The following ZNF385B variants were observed in gnomAD, a reference collection of about 807,000 sequenced individuals.
The protein encoded by ZNF385B is zinc finger protein 385B.
ZNF385B carries 23 observed loss-of-function variants against 39.2 expected under a neutral mutation model. The observed-to-expected ratio is 0.59, with a 90% confidence interval of 0.42 to 0.83. ZNF385B has a LOEUF of 0.83. Ranked by LOEUF, ZNF385B falls within the 40% of genes least tolerant of loss-of-function variation. ZNF385B has a pLI of 0.00. For missense variants in ZNF385B, 552 were observed against 598.9 expected, an observed-to-expected ratio of 0.92 and a Z score of 0.82; for synonymous variants, 205 against 222.6, an observed-to-expected ratio of 0.92 and a Z score of 0.70.
intron 3 of ZNF385B, among the ~76,000 whole-genome samples, chr2:179,629,579 T>C (rs1222041020): frequency 6.6e-6 from 1 of 152,150 alleles, no homozygotes; most frequent in Non-Finnish European, 1.5e-5. Context: ...ACAGCTCCAG[T>C]CTGCAGCTCC....
At chr2:179,447,769 G>A (rs2049650535) in intron 6 of ZNF385B, among the ~76,000 whole-genome samples, 1 of 152,152 alleles carries the variant, frequency 6.6e-6, no homozygotes, top group African/African-American at 2.4e-5. Flanking sequence ...ATTTGGAATT[G>A]TATACCATTG....
rs1194157468 is a variant in ZNF385B, at chr2:179,450,642, A to G, written c.716-3872T>C. Among the ~76,000 whole-genome samples, 4 of 152,054 alleles carry G rather than the reference A, an allele frequency of 2.6e-5. No individual in the cohort carries two copies. The East Asian group carries it at 7.7e-4, about 29-fold the overall frequency. ...TGTGGAGAAATAGGAACACTTTTAC[A>G]CTGTTGGTGGGACTGTAAACTAGTT... On this transcript the variant is annotated intron_variant, in intron 6 of 9. Transcript: ENST00000410066.
chr2:179,824,878 T>TA (rs35256018), intron 1 of ZNF385B, among the ~76,000 whole-genome samples: 1,670 of 142,408 alleles, frequency 0.012, 11 homozygotes, highest in Non-Finnish European at 0.016. Context: ...TAGTCTGATT[T>TA]AAAAAAAAAA....
At chr2:179,647,272 C>CT (rs11362728) in intron 3 of ZNF385B, among the ~76,000 whole-genome samples, 2,717 of 149,780 alleles carry the variant, frequency 0.018, 69 homozygotes, top group African/African-American at 0.061. Flanking sequence ...TTCCTTTAAT[C>CT]TTTTTTTTTT....
At chr2:179,466,457 G>A (rs1463332664) in intron 6 of ZNF385B, among the ~76,000 whole-genome samples, 15 of 151,928 alleles carry the variant, frequency 9.9e-5, no homozygotes, top group Admixed American at 9.2e-4. Flanking sequence ...CTGTTCTTTG[G>A]CAAGATTTCT....
chr2:179,600,187 C>T (rs1481802692), intron 3 of ZNF385B, among the ~76,000 whole-genome samples: 1 of 152,032 alleles, frequency 6.6e-6, no homozygotes, highest in African/African-American at 2.4e-5. Context: ...AGCCTAAGGC[C>T]AACCATCATT....
intron 6 of ZNF385B, among the ~76,000 whole-genome samples, chr2:179,465,126 C>T (rs529910941): frequency 6.4e-4 from 98 of 152,158 alleles, no homozygotes; most frequent in African/African-American, 2.2e-3. Flanking sequence ...AACTTTTTCC[C>T]TTCAATGTCC....
intron 3 of ZNF385B, among the ~76,000 whole-genome samples, chr2:179,725,115 T>C: frequency 6.6e-6 from 1 of 152,068 alleles, no homozygotes. Flanking sequence ...TTATATAATG[T>C]ATATTTAATT....
intron 3 of ZNF385B, among the ~76,000 whole-genome samples, chr2:179,636,826 C>T (rs952969758): frequency 6.6e-6 from 1 of 152,032 alleles, no homozygotes; most frequent in African/African-American, 2.4e-5. Flanking sequence ...CACACAGAAG[C>T]CAAGCACATA....
intron 4 of ZNF385B, among the ~76,000 whole-genome samples, chr2:179,524,096 C>A (rs2058700726): frequency 1.3e-5 from 2 of 152,060 alleles, no homozygotes; most frequent in Non-Finnish European, 2.9e-5. Context: ...CCCTGCCCAG[C>A]CCATACTATT....
intron 3 of ZNF385B, among the ~76,000 whole-genome samples, chr2:179,559,782 C>T (rs1429905738): frequency 2.6e-5 from 4 of 151,898 alleles, no homozygotes; most frequent in Admixed American, 2.6e-4. Context: ...GTAAGAGTAC[C>T]TAAAATCCAC....
At chr2:179,642,755 C>T (rs1692379227) in intron 3 of ZNF385B, among the ~76,000 whole-genome samples, 2 of 152,100 alleles carry the variant, frequency 1.3e-5, no homozygotes, top group African/African-American at 4.8e-5. Flanking sequence ...GTCTTTATCA[C>T]CATATACTTA....
chr2:179,859,336 T>C (rs1256383106), intron 1 of ZNF385B, among the ~76,000 whole-genome samples: 1 of 152,218 alleles, frequency 6.6e-6, no homozygotes, highest in African/African-American at 2.4e-5. Flanking sequence ...TGTATATTGT[T>C]AAAATGCTGT....
intron 1 of ZNF385B, among the ~76,000 whole-genome samples, chr2:179,858,210 A>G (rs1684754544): frequency 6.6e-6 from 1 of 152,182 alleles, no homozygotes; most frequent in Non-Finnish European, 1.5e-5. Context: ...AGTCTGTGGG[A>G]CTTTGTGAAT....
intron 1 of ZNF385B, among the ~76,000 whole-genome samples, chr2:179,801,470 T>C (rs377332393): frequency 1.3e-5 from 2 of 151,986 alleles, no homozygotes; most frequent in African/African-American, 4.8e-5. Flanking sequence ...GGTGTACACA[T>C]CCTCCCAAGA....
At chr2:179,648,448 T>C (rs1264021222) in intron 3 of ZNF385B, among the ~76,000 whole-genome samples, 1 of 152,128 alleles carries the variant, frequency 6.6e-6, no homozygotes, top group African/African-American at 2.4e-5. Context: ...CAACATACAC[T>C]GACAGATATA....
chr2:179,484,039 C>A (rs2054297484), intron 5 of ZNF385B, among the ~76,000 whole-genome samples: 1 of 152,142 alleles, frequency 6.6e-6, no homozygotes, highest in Non-Finnish European at 1.5e-5. Context: ...TAGGAAAAAA[C>A]CCTTGTTTCT....
At chr2:179,807,893 T>TGAAAGAAAGAAAGAAAGAAA (rs139866166) in intron 1 of ZNF385B, among the ~76,000 whole-genome samples, 1,733 of 123,584 alleles carry the variant, frequency 0.014, 13 homozygotes, top group African/African-American at 0.021. Context: ...AGACTCCGTC[T>TGAAAGAAAGAAAGAAAGAAA]GAAAGAAAGA....
chr2:179,650,615 T>C (rs1693112812), intron 3 of ZNF385B, among the ~76,000 whole-genome samples: 3 of 152,210 alleles, frequency 2.0e-5, no homozygotes, highest in African/African-American at 7.2e-5. Flanking sequence ...CAAGCTGTCA[T>C]GTGGAGAGTG....
Sources: allele counts gnomAD v4.1 joint callset (sites outside exome capture counted in the v4.1 genomes callset), GRCh38; gene constraint gnomAD v4.1.1; transcripts MANE v1.5; gene names NCBI Gene and HGNC (gene_info 2026-07-23, HGNC 2026-07-21).